CHRDL2: variants seen among roughly 807,000 people sequenced by gnomAD.
CHRDL2 encodes chordin like 2, also known as chordin-like protein 2.
A neutral mutation model predicts 54.3 loss-of-function variants in CHRDL2; 41 were observed. That is an observed-to-expected ratio of 0.76 (90% CI 0.59 to 0.98). The LOEUF (loss-of-function observed/expected upper bound fraction) is 0.98. CHRDL2 is among the 50% of genes least tolerant of loss of function. The pLI, the probability that CHRDL2 is intolerant of heterozygous loss-of-function variation, is 0.00. For missense variants in CHRDL2, 518 were observed against 562.4 expected (o/e 0.92, Z 0.80); for synonymous variants, 220 against 224.3 (o/e 0.98, Z 0.17).
chr11:74,698,674 AATACAC>A (rs1444480976), intron 9 of CHRDL2: 1 of 105,672 alleles, frequency 9.5e-6, no homozygotes, highest in Non-Finnish European at 1.9e-5. Context: ...TAGATGAACA[AATACAC>A]ACACACACAC....
intron 1 of CHRDL2, among the ~76,000 whole-genome samples, chr11:74,719,746 A>G (rs1052469311): frequency 6.6e-6 from 1 of 152,164 alleles, no homozygotes; most frequent in African/African-American, 2.4e-5. Context: ...AATTACTAAA[A>G]TCGTTTGTTC....
chr11:74,706,665 G>C (rs1188611965), intron 5 of CHRDL2, 123 bp from the exon 6 acceptor site: 3 of 825,854 alleles, frequency 3.6e-6, no homozygotes, highest in Non-Finnish European at 6.0e-6. Flanking sequence ...TGCAGCCCCA[G>C]CCCACTAGCC....
At chr11:74,728,980 G>A (rs899201867) in intron 1 of CHRDL2, among the ~76,000 whole-genome samples, 1 of 152,162 alleles carries the variant, frequency 6.6e-6, no homozygotes, top group Non-Finnish European at 1.5e-5. Flanking sequence ...TGAAGGCCAG[G>A]GAGGCACAGA....
chr11:74,718,770 A>C lies in CHRDL2; in HGVS notation c.145T>G (p.Tyr49Asp). Residue 49 changes from tyrosine to aspartate, a missense_variant, in exon 2 of 11, where the codon TAC becomes GAC. Coordinates refer to ENST00000376332, the MANE Select transcript of CHRDL2 (RefSeq NM_001278473.3). ...RYSPGESWHP[Y>D]LEPQGLMYCL... The stretch of plus-strand genomic sequence containing the variant: ...TACATCAGGCCTTGTGGCTCCAAGT[A>C]GGGGTGCCAGCTCTCGCCGGGGGAG... The C allele has an allele frequency of 1.2e-6, 2 of 1,613,874 alleles. No individual in the cohort carries two copies. Among genetic ancestry groups the C allele is most frequent in the Non-Finnish European group, 1.7e-6 (2 of 1,179,904 alleles).
Position 74,704,575 on chromosome 11 carries a change from G to C in CHRDL2, c.662C>G (p.Ala221Gly), listed in dbSNP as rs774948161. ...PGTPAPTGLSAPLSFIPRHFR... is the reference protein window; with the variant it reads ...PGTPAPTGLSGPLSFIPRHFR... ...GTGGCGAGGGATGAAGCTCAGAGGG[G>C]CGCTGAGGCCAGTGGGGGCTGGGGT... The change falls in exon 7 of 11, where the codon GCC becomes GGC. Residue 221 changes from alanine to glycine, a missense_variant. By Grantham distance (60) the Ala-to-Gly change is moderately conservative (BLOSUM62 0). Transcript: ENST00000376332. 2 of 1,591,504 alleles carry C rather than the reference G, an allele frequency of 1.3e-6. No homozygotes were observed. Among genetic ancestry groups the C allele is most frequent in the Non-Finnish European group, 1.7e-6 (2 of 1,170,296 alleles).
chr11:74,701,329 T>C (rs1402311099), intron 9 of CHRDL2: 2 of 392,132 alleles, frequency 5.1e-6, no homozygotes. Context: ...GGATTCAAAC[T>C]GGCAGAGTTA....
intron 1 of CHRDL2, among the ~76,000 whole-genome samples, chr11:74,719,955 G>A (rs142962958): frequency 0.011 from 1,639 of 152,070 alleles, 14 homozygotes; most frequent in Non-Finnish European, 0.018. Flanking sequence ...CCTCCTCTAC[G>A]CAGGTACCTA....
At position 74,717,357 on chromosome 11, in the gene CHRDL2, C is replaced by T. The variant is rs367747427; in HGVS notation, c.195+1363G>A. ...TGTGAAAGGAGAAATGAATTAACTC[C>T]AATGGCTCAAAAAACTTGGACTTTG... On this transcript the variant is annotated intron_variant, in intron 2 of 10. Coordinates refer to ENST00000376332, the MANE Select transcript of CHRDL2 (RefSeq NM_001278473.3). Among the ~76,000 whole-genome samples the T allele has an allele frequency of 5.9e-5, 9 of 152,186 alleles. No homozygotes were observed. The East Asian group carries it at 9.6e-4, about 16-fold the overall frequency.
rs778053420 is a variant in CHRDL2, at chr11:74,702,806, T to C, written c.1108A>G (p.Lys370Glu). The stretch of plus-strand genomic sequence containing the variant: ...GGCCAGCACTCACCTTTTACCAGCT[T>C]CCAGAGGTAGATCTCCACCAAGTCC... ...ASDLVEIYLW[K>E]LVKGIFHLTQ... The change falls in exon 9 of 11, where the codon AAG becomes GAG. Residue 370 changes from lysine to glutamate, a missense_variant. By Grantham distance (56) the Lys-to-Glu change is moderately conservative (BLOSUM62 1). Coordinates refer to ENST00000376332, the MANE Select transcript of CHRDL2 (RefSeq NM_001278473.3). The C allele has an allele frequency of 6.2e-7, 1 of 1,613,946 alleles. No individual in the cohort carries two copies. Among genetic ancestry groups the C allele is most frequent in the South Asian group, 1.1e-5 (1 of 91,070 alleles).
At chr11:74,712,462 A>G (rs2034225816) in intron 3 of CHRDL2, among the ~76,000 whole-genome samples, 1 of 152,178 alleles carries the variant, frequency 6.6e-6, no homozygotes, top group East Asian at 1.9e-4. Flanking sequence ...GAGGCCCCCC[A>G]GAGTCGGCAT....
intron 7 of CHRDL2, 129 bp downstream of exon 7, chr11:74,704,357 A>T: frequency 1.2e-6 from 1 of 860,272 alleles, no homozygotes; most frequent in Non-Finnish European, 1.8e-6. Context: ...CTCCGAGTCT[A>T]CAAGCTCATG....
chr11:74,710,527 T>C (rs2034153753), intron 4 of CHRDL2, among the ~76,000 whole-genome samples: 1 of 152,194 alleles, frequency 6.6e-6, no homozygotes, highest in Non-Finnish European at 1.5e-5. Context: ...CATTCAATAA[T>C]CATTACAGAT....
At chr11:74,706,387 T>C in intron 6 of CHRDL2, 100 bp downstream of exon 6, 1 of 1,177,892 alleles carries the variant, frequency 8.5e-7, no homozygotes, top group African/African-American at 1.5e-5. Context: ...AAACAAGAAA[T>C]GAGGACAATA....
chr11:74,703,477 C>A lies in CHRDL2; in HGVS notation c.774G>T (p.Thr258=). The A allele has an allele frequency of 6.2e-7, 1 of 1,604,670 alleles. No homozygotes were observed. Among genetic ancestry groups the A allele is most frequent in the Non-Finnish European group, 8.5e-7 (1 of 1,174,572 alleles). The change falls in exon 8 of 11, where the codon ACG becomes ACT. Residue 258 remains threonine, a synonymous_variant. Coordinates refer to ENST00000376332, the MANE Select transcript of CHRDL2 (RefSeq NM_001278473.3). ...GGTGCCACACCTCCCCGTGGGAGTA[C>A]GTCTTCCCGCCATGCACACAGGCTG... ...HKKACVHGGK[T]YSHGEVWHPA...
chr11:74,707,718 C>T (rs964000875), intron 5 of CHRDL2, among the ~76,000 whole-genome samples: 9 of 152,006 alleles, frequency 5.9e-5, no homozygotes, highest in Admixed American at 5.9e-4. Context: ...ACGGGCTCCC[C>T]AACACTTCCC....
At chr11:74,700,643 A>ATTATTATT (rs1554984229) in intron 9 of CHRDL2, among the ~76,000 whole-genome samples, 1 of 136,012 alleles carries the variant, frequency 7.4e-6, no homozygotes, top group African/African-American at 2.8e-5. Context: ...TATTATTATT[A>ATTATTATT]TTTTTTTTTT....
intron 2 of CHRDL2, among the ~76,000 whole-genome samples, chr11:74,717,644 C>G (rs1278386808): frequency 1.3e-5 from 2 of 152,266 alleles, no homozygotes; most frequent in South Asian, 2.1e-4. Context: ...TAGCCACCCT[C>G]TCCGCCACCC....
intron 1 of CHRDL2, among the ~76,000 whole-genome samples, chr11:74,730,338 T>C (rs966041946): frequency 3.3e-5 from 5 of 152,170 alleles, no homozygotes; most frequent in Admixed American, 3.3e-4. Flanking sequence ...TTCTCATCTG[T>C]AAAGTGCGAA....
At chr11:74,704,825 G>A (rs1161903315) in intron 6 of CHRDL2, 171 bp from the exon 7 acceptor site, 5 of 652,584 alleles carry the variant, frequency 7.7e-6, no homozygotes, top group Non-Finnish European at 1.0e-5. Context: ...GGTCTAAGAT[G>A]TTTTCAGACA....
Sources: gnomAD v4.1 joint callset for allele counts (sites outside exome capture counted in the v4.1 genomes callset) on GRCh38, gnomAD v4.1.1 for gene constraint, MANE v1.5 for transcripts, NCBI Gene and HGNC (gene_info 2026-07-23, HGNC 2026-07-21) for gene names.